The following MALT1 variants were observed in gnomAD, a reference collection of about 807,000 sequenced individuals.
MALT1 encodes mucosa-associated lymphoid tissue lymphoma translocation protein 1.
MALT1 carries 36 observed loss-of-function variants against 85.5 expected under a neutral mutation model. The observed-to-expected ratio is 0.42, with a 90% CI of 0.32 to 0.56. MALT1 has a LOEUF of 0.56. Ranked by LOEUF, MALT1 falls within the 20% of genes least tolerant of loss-of-function variation. The probability of loss-of-function intolerance (pLI) is 0.10; values close to 1 mark genes in which losing one functional copy is unlikely to be tolerated. For synonymous variants in MALT1, 359 were observed against 361.3 expected (o/e 0.99, Z 0.07); for missense variants, 716 against 981.6 (o/e 0.73, Z 3.62).
chr18:58,704,488 A>T (rs2054717525), intron 4 of MALT1, among the ~76,000 whole-genome samples: 2 of 152,062 alleles, frequency 1.3e-5, no homozygotes, highest in South Asian at 4.2e-4. Context: ...AAGGGGTCTC[A>T]CTCTGTCACC....
chr18:58,700,589 A>T lies in MALT1; in HGVS notation c.647A>T (p.Gln216Leu). ...GTTTGCGACATCCCAGAGAGCTTCC[A>T]GAGTAAGTAACGAAAGAAGCTGAAT... The part of the protein sequence containing the change: ...LDVCDIPESF[Q>L]RSVDGVSESK... The change falls in exon 4 of 17, where the codon CAG becomes CTG. Residue 216 changes from glutamine (Q) to leucine (L), a missense_variant and splice_region_variant. Physicochemically the swap from Gln to Leu is moderately radical, Grantham distance 113 (BLOSUM62 -2). Around this residue, in one of 4 missense-constraint regions of MALT1, gnomAD observed 290 missense variants for 380.5 expected, o/e 0.76. Transcript: ENST00000649217. 2 of 1,590,820 alleles carry T rather than the reference A, an allele frequency of 1.3e-6. No individual in the cohort carries two copies. Among genetic ancestry groups the T allele is most frequent in the South Asian group, 2.3e-5 (2 of 85,668 alleles).
chr18:58,678,506 GTT>G (rs2144303486), intron 1 of MALT1, among the ~76,000 whole-genome samples: 1 of 152,136 alleles, frequency 6.6e-6, no homozygotes, highest in Non-Finnish European at 1.5e-5. Context: ...TGGGGTTTCT[GTT>G]TTCAAGGAGT....
At chr18:58,706,769 C>T (rs1160056803) in intron 4 of MALT1, among the ~76,000 whole-genome samples, 1 of 152,162 alleles carries the variant, frequency 6.6e-6, no homozygotes, top group Non-Finnish European at 1.5e-5. Context: ...GTTTTCACCA[C>T]TTTAAAGATG....
At chr18:58,700,167 C>T (rs2054651378) in intron 3 of MALT1, among the ~76,000 whole-genome samples, 1 of 152,148 alleles carries the variant, frequency 6.6e-6, no homozygotes, top group Non-Finnish European at 1.5e-5. Flanking sequence ...CTCTTAAATG[C>T]CAGAGCAAAT....
intron 10 of MALT1, 91 bp from the exon 11 acceptor site, chr18:58,733,300 TAAAGTC>T: frequency 2.7e-6 from 2 of 744,790 alleles, no homozygotes; most frequent in Non-Finnish European, 4.5e-6. Flanking sequence ...TGAAGAAAAT[TAAAGTC>T]AAGGTTTTTC....
chr18:58,744,583 A>T, intron 15 of MALT1, 88 bp downstream of exon 15: 1 of 590,432 alleles, frequency 1.7e-6, no homozygotes, highest in Non-Finnish European at 2.8e-6. Flanking sequence ...GATGGTAAAT[A>T]TAAAGGAAAT....
rs1400047876 is a variant in MALT1 at position 58,710,966 on chromosome 18, T to A, written c.958+13T>A. Reference sequence around the variant, plus strand: ...GAGTGCACTGAAGGTAGTGTAAGTCTTTGGTTTGAAACCAAATCTCCTGCA... The same window carrying A: ...GAGTGCACTGAAGGTAGTGTAAGTCATTGGTTTGAAACCAAATCTCCTGCA... On this transcript the variant is annotated intron_variant, in intron 7 of 16. Transcript: ENST00000649217. The A allele has an allele frequency of 1.3e-6, 2 of 1,563,902 alleles. No homozygotes were observed. The highest frequency in any genetic ancestry group is 1.4e-5 in the African/African-American group (1 of 71,832).
At chr18:58,696,866 A>G (rs2054598135) in intron 3 of MALT1, among the ~76,000 whole-genome samples, 2 of 152,240 alleles carry the variant, frequency 1.3e-5, no homozygotes, top group African/African-American at 2.4e-5. Flanking sequence ...TTAATGTGCT[A>G]TTCTTTTTAA....
At chr18:58,699,478 G>A (rs2054641330) in intron 3 of MALT1, among the ~76,000 whole-genome samples, 1 of 152,222 alleles carries the variant, frequency 6.6e-6, no homozygotes, top group African/African-American at 2.4e-5. Context: ...GGGGTTTGGA[G>A]AGGGAGGAGG....
chr18:58,697,713 A>G (rs192651093), intron 3 of MALT1, among the ~76,000 whole-genome samples: 173 of 152,348 alleles, frequency 1.1e-3, no homozygotes, highest in Non-Finnish European at 2.1e-3. Flanking sequence ...TGGAAAATGC[A>G]TCTTAGAGTT....
chr18:58,691,854 CAG>C (rs1315124683), intron 2 of MALT1, among the ~76,000 whole-genome samples: 1 of 147,904 alleles, frequency 6.8e-6, no homozygotes, highest in African/African-American at 2.5e-5. Flanking sequence ...GCCTGGGTGA[CAG>C]AGCGAGACTC....
At chr18:58,674,354 GC>G (rs772649372) in intron 1 of MALT1, among the ~76,000 whole-genome samples, 2 of 152,178 alleles carry the variant, frequency 1.3e-5, no homozygotes, top group African/African-American at 2.4e-5. Flanking sequence ...GGGGACAGTT[GC>G]CTAACAAGAG....
In MALT1 at chr18:58,710,949, T is replaced by C. The variant is rs1602311534; in HGVS notation, c.954T>C (p.Thr318=). Residue 318 remains threonine (T), a synonymous_variant, in exon 7 of 17, where the codon ACT becomes ACC. Coordinates refer to ENST00000649217, the MANE Select transcript of MALT1 (RefSeq NM_006785.4). ...IGRTDEAVEC[T]EDELNNLGHP... is the part of the protein sequence containing the mutation. ...GAACAGATGAGGCAGTGGAGTGCAC[T>C]GAAGGTAGTGTAAGTCTTTGGTTTG... 2 of 1,572,636 alleles carry C rather than the reference T, an allele frequency of 1.3e-6. No individual in the cohort carries two copies. The highest frequency in any genetic ancestry group is 1.4e-5 in the African/African-American group (1 of 72,216).
At position 58,745,651 on chromosome 18, in the gene MALT1, T is replaced by C; in HGVS notation, c.1912-15T>C. The C allele has an allele frequency of 9.4e-7, 1 of 1,063,898 alleles. No individual in the cohort carries two copies. The highest frequency in any genetic ancestry group is 1.3e-6 in the Non-Finnish European group (1 of 766,880). 65.9% of individuals were successfully genotyped at this position (1,063,898 alleles called of 1,614,324 possible). A position where few individuals can be genotyped will look rare whatever the true frequency, so the allele number is the denominator to read the frequency against. Reference sequence around the variant, plus strand: ...TGATTTCATTATTAACAGTCCCTAATTTTTTTTTTTACAGGATCTAGATAT... The same window carrying C: ...TGATTTCATTATTAACAGTCCCTAACTTTTTTTTTTACAGGATCTAGATAT... On this transcript the variant is annotated splice_polypyrimidine_tract_variant and intron_variant, in intron 15 of 16. Coordinates refer to ENST00000649217, the MANE Select transcript of MALT1 (RefSeq NM_006785.4).
At position 58,688,299 on chromosome 18, in the gene MALT1, TAC is replaced by T. The variant is rs34923643; in HGVS notation, c.376+6990_376+6991del. ...GAAGCAATAAATTGTATATATATGT[TAC>T]ACACACACACACACACACACACACA... is the stretch of plus-strand genomic sequence containing the variant. On this transcript the variant is annotated intron_variant, in intron 2 of 16. Transcript: ENST00000649217. Among the ~76,000 whole-genome samples, 1,392 of 139,590 alleles carry T rather than the reference TAC, an allele frequency of 1.0e-2. 11 individuals are homozygous for T. Among genetic ancestry groups the T allele is most frequent in the African/African-American group, 0.017 (677 of 38,696 alleles). The allele number at this position is 139,590 out of a possible 152,430, so 91.6% of individuals were successfully genotyped here. A position where few individuals can be genotyped will look rare whatever the true frequency, so the allele number is the denominator to read the frequency against.
chr18:58,703,163 C>T (rs772052692), intron 4 of MALT1, among the ~76,000 whole-genome samples: 4 of 152,060 alleles, frequency 2.6e-5, no homozygotes, highest in South Asian at 2.1e-4. Context: ...TTGAGACCAG[C>T]CTGACCAACA....
chr18:58,696,896 T>C (rs2054598727), intron 3 of MALT1, among the ~76,000 whole-genome samples: 1 of 152,248 alleles, frequency 6.6e-6, no homozygotes, highest in African/African-American at 2.4e-5. Flanking sequence ...ATCACTGTTT[T>C]ATCTGTATCA....
At chr18:58,728,325 G>C (rs2055093824) in intron 10 of MALT1, among the ~76,000 whole-genome samples, 1 of 152,208 alleles carries the variant, frequency 6.6e-6, no homozygotes, top group African/African-American at 2.4e-5. Context: ...AACGATTTGG[G>C]CCACACACGG....
At chr18:58,715,566 T>G (rs1415695714) in intron 8 of MALT1, among the ~76,000 whole-genome samples, 1 of 152,184 alleles carries the variant, frequency 6.6e-6, no homozygotes, top group East Asian at 1.9e-4. Flanking sequence ...TATCCAGATT[T>G]GCTACTTACT....
Sources: gnomAD v4.1 joint callset for allele counts (sites outside exome capture counted in the v4.1 genomes callset) on GRCh38, gnomAD v4.1.1 for gene constraint, gnomAD v4.1.1 regional missense constraint, MANE v1.5 for transcripts, NCBI Gene and HGNC (gene_info 2026-07-23, HGNC 2026-07-21) for gene names.